The following TPRN variants were observed in gnomAD, a reference collection of about 807,000 sequenced individuals.
TPRN encodes taperin.
TPRN carries 32 observed loss-of-function variants against 42.6 expected under a neutral mutation model. That is an observed-to-expected ratio of 0.75 (90% confidence interval 0.57 to 1.01). The LOEUF (loss-of-function observed/expected upper bound fraction) is 1.01, where lower values mean the gene tolerates loss of function less well. TPRN is among the 50% of genes least tolerant of loss of function. TPRN has a pLI of 0.00. For missense variants in TPRN, 1,095 were observed against 957.5 expected, an observed-to-expected ratio of 1.14 and a Z score of -1.90; for synonymous variants, 541 against 445.6, an observed-to-expected ratio of 1.21 and a Z score of -2.70.
Position 137,200,097 on chromosome 9 carries a change from G to A in TPRN, c.615C>T (p.Phe205=), listed in dbSNP as rs1458461771. ...DFLQKTGSNS[F]TVHPRGLHRG... ...GGTGCAGACCCCGGGGGTGGACGGT[G>A]AAGGAGTTGCTGCCGGTCTTCTGGA... The change falls in exon 1 of 4, where the codon TTC becomes TTT. Residue 205 remains phenylalanine, a synonymous_variant. Transcript: ENST00000409012. The surrounding 1 kb of genome is among the most constrained non-coding windows in gnomAD (Gnocchi z 4.3). 12 of 1,329,772 alleles carry A rather than the reference G, an allele frequency of 9.0e-6. No homozygotes were observed. The highest frequency in any genetic ancestry group is 1.1e-5 in the Non-Finnish European group (12 of 1,044,644). The allele number at this position is 1,329,772 out of a possible 1,614,324, so 82.4% of individuals were successfully genotyped here. A position where few individuals can be genotyped will look rare whatever the true frequency, so the allele number is the denominator to read the frequency against.
At chr9:137,198,490 C>T (rs1834739641) in intron 1 of TPRN, among the ~76,000 whole-genome samples, 1 of 152,224 alleles carries the variant, frequency 6.6e-6, no homozygotes, top group Non-Finnish European at 1.5e-5. Context: ...GTGGGCTGCA[C>T]CCCAAGGCTG....
chr9:137,193,960 T>C, intron 1 of TPRN: 1 of 152,428 alleles, frequency 6.6e-6, no homozygotes, highest in Non-Finnish European at 1.5e-5. Flanking sequence ...AGGTGTACCC[T>C]CAGGTCCCTT....
In TPRN at chr9:137,192,064, C is replaced by T; in HGVS notation, c.*48G>A. 6.2e-7 allele frequency: 1 copy of T among 1,604,478 alleles called. No homozygotes were observed. The highest frequency in any genetic ancestry group is 8.5e-7 in the Non-Finnish European group (1 of 1,178,146). ...GTAGTCCCTGGCTACTGCCCAGCTT[C>T]CGGGACTCCCACAGCTGGGCTCAGC... On this transcript the variant is annotated 3_prime_UTR_variant, in exon 4 of 4. Coordinates refer to ENST00000409012, the MANE Select transcript of TPRN (RefSeq NM_001128228.3).
chr9:137,197,912 C>T (rs1337588328), intron 1 of TPRN, among the ~76,000 whole-genome samples: 2 of 152,210 alleles, frequency 1.3e-5, no homozygotes, highest in African/African-American at 4.8e-5. Flanking sequence ...GGGGCACCAA[C>T]GCCCTGGTTC....
chr9:137,194,782 T>C (rs1834682209), intron 1 of TPRN: 2 of 152,004 alleles, frequency 1.3e-5, no homozygotes, highest in Non-Finnish European at 2.9e-5. Flanking sequence ...CCCCTCCCAC[T>C]GTGGGGACAG....
Position 137,198,858 on chromosome 9 carries a change from C to T in TPRN, c.1725+129G>A, listed in dbSNP as rs1410098658. 18 of 1,567,342 alleles carry T rather than the reference C, an allele frequency of 1.1e-5. 1 individual carries two copies. Among genetic ancestry groups the T allele is most frequent in the South Asian group, 2.3e-5 (2 of 87,748 alleles). ...CACGGCCCACCCAGCCCCAGCTCGC[C>T]TCAAGTCCATGTAGAAACCATCCTT... On this transcript the variant is annotated intron_variant, in intron 1 of 3. Transcript: ENST00000409012.
At position 137,199,805 on chromosome 9, in the gene TPRN, G is replaced by C; in HGVS notation, c.907C>G (p.Pro303Ala). Reference sequence around the variant, plus strand: ...GGGATGGTCTCCATAACTGGCTTGGGGGCCGGCCGTATCTCGAAGGAGTCG... The same window carrying C: ...GGGATGGTCTCCATAACTGGCTTGGCGGCCGGCCGTATCTCGAAGGAGTCG... ...TNDSFEIRPA[P>A]KPVMETIPLG... The change falls in exon 1 of 4, where the codon CCC becomes GCC. Residue 303 changes from proline (P) to alanine (A), a missense_variant. By Grantham distance (27) the Pro-to-Ala change is conservative (BLOSUM62 -1). Transcript: ENST00000409012. 1 of 1,598,808 alleles carries C rather than the reference G, an allele frequency of 6.3e-7. No homozygotes were observed. The highest frequency in any genetic ancestry group is 8.5e-7 in the Non-Finnish European group (1 of 1,173,370).
At position 137,200,327 on chromosome 9, in the gene TPRN, G is replaced by A; in HGVS notation, c.385C>T (p.Pro129Ser). The A allele has an allele frequency of 9.9e-7, 1 of 1,011,558 alleles. No individual in the cohort carries two copies. Among genetic ancestry groups the A allele is most frequent in the Non-Finnish European group, 1.2e-6 (1 of 850,474 alleles). 62.7% of individuals were successfully genotyped at this position (1,011,558 alleles called of 1,614,324 possible). A position where few individuals can be genotyped will look rare whatever the true frequency, so the allele number is the denominator to read the frequency against. ...AGTAGGCGGCTGACGCGGCCGGGCG[G>A]CGCCCCGTACACCAGCACCTCGGCG... Reference protein sequence around the residue: ...RAAEVLVYGAPPGRVSRLLER... With the variant: ...RAAEVLVYGASPGRVSRLLER... The change falls in exon 1 of 4, where the codon CCG becomes TCG. Residue 129 changes from proline to serine, a missense_variant. By Grantham distance (74) the Pro-to-Ser change is moderately conservative. Transcript: ENST00000409012. This position sits in a 1 kb window ranked among gnomAD's most constrained non-coding sequence, Gnocchi z 4.3.
chr9:137,198,951 T>C (rs750001989), intron 1 of TPRN, 36 bp downstream of exon 1: 21 of 1,611,466 alleles, frequency 1.3e-5, no homozygotes, highest in Middle Eastern at 1.7e-4. Context: ...TGTCACTCTC[T>C]CCCTGCCAGC....
chr9:137,200,066 C>T lies in TPRN; in HGVS notation c.646G>A (p.Ala216Thr). Residue 216 changes from alanine (A) to threonine (T), a missense_variant, in exon 1 of 4, where the codon GCG becomes ACG. Transcript: ENST00000409012. The surrounding 1 kb of genome is among the most constrained non-coding windows in gnomAD (Gnocchi z 4.3). The part of the protein sequence containing the change: ...TVHPRGLHRG[A>T]GARLLSNGHS... Reference sequence around the variant, plus strand: ...CCGTTGGAGAGCAGGCGGGCGCCCGCGCCGCGGTGCAGACCCCGGGGGTGG... The same window carrying T: ...CCGTTGGAGAGCAGGCGGGCGCCCGTGCCGCGGTGCAGACCCCGGGGGTGG... 1 of 1,430,246 alleles carries T rather than the reference C, an allele frequency of 7.0e-7. No homozygotes were observed. The highest frequency in any genetic ancestry group is 9.1e-7 in the Non-Finnish European group (1 of 1,098,814). The allele number at this position is 1,430,246 out of a possible 1,614,324, so 88.6% of individuals were successfully genotyped here. A position where few individuals can be genotyped will look rare whatever the true frequency, so the allele number is the denominator to read the frequency against.
In TPRN at chr9:137,199,467, C is replaced by T; in HGVS notation, c.1245G>A (p.Arg415=). ...ALADRAIRWQ[R]PSSPPPFLPA... ...GCAGGAAGGGGGGCGGTGAGGACGG[C>T]CTCTGCCACCTAATAGCCCGGTCAG... is the stretch of plus-strand genomic sequence containing the variant. The change falls in exon 1 of 4, where the codon AGG becomes AGA. Residue 415 remains arginine (R), a synonymous_variant. Coordinates refer to ENST00000409012, the MANE Select transcript of TPRN (RefSeq NM_001128228.3). 1 of 1,599,920 alleles carries T rather than the reference C, an allele frequency of 6.3e-7. No homozygotes were observed. Among genetic ancestry groups the T allele is most frequent in the Non-Finnish European group, 8.5e-7 (1 of 1,173,986 alleles).
chr9:137,192,212 G>T, intron 3 of TPRN, 38 bp from the exon 4 acceptor site: 1 of 1,613,256 alleles, frequency 6.2e-7, no homozygotes, highest in Non-Finnish European at 8.5e-7. Context: ...ACATGGGCTC[G>T]CCCGGGTGTC....
intron 1 of TPRN, chr9:137,194,935 G>A (rs1029283192): frequency 2.6e-5 from 4 of 152,436 alleles, no homozygotes; most frequent in African/African-American, 9.7e-5. Context: ...GAGCAGGCAG[G>A]TGGGTCCCAG....
At position 137,199,248 on chromosome 9, in the gene TPRN, C is replaced by A; in HGVS notation, c.1464G>T (p.Gly488=). Residue 488 remains glycine (G), a synonymous_variant, in exon 1 of 4, where the codon GGG becomes GGT. Transcript: ENST00000409012. ...PARPLHPARP[G]CVAELQPRGS... is the part of the protein sequence containing the mutation. ...CCCGGGGCTGAAGCTCTGCCACGCACCCGGGCCTGGCAGGGTGCAGAGGCC... is the reference window on the plus strand; with the variant it reads ...CCCGGGGCTGAAGCTCTGCCACGCAACCGGGCCTGGCAGGGTGCAGAGGCC... 6.2e-7 allele frequency: 1 copy of A among 1,612,904 alleles called. No homozygotes were observed. Among genetic ancestry groups the A allele is most frequent in the Non-Finnish European group, 8.5e-7 (1 of 1,180,006 alleles).
chr9:137,197,906 C>G (rs1376200415), intron 1 of TPRN, among the ~76,000 whole-genome samples: 1 of 152,190 alleles, frequency 6.6e-6, no homozygotes, highest in Non-Finnish European at 1.5e-5. Flanking sequence ...CCGGCAGGGG[C>G]ACCAACGCCC....
At position 137,193,121 on chromosome 9, in the gene TPRN, G is replaced by A. The variant is rs969017543; in HGVS notation, c.1726-430C>T. On this transcript the variant is annotated intron_variant, in intron 1 of 3. Coordinates refer to ENST00000409012, the MANE Select transcript of TPRN (RefSeq NM_001128228.3). ...GGTGGAAAAGAGGCTGTCCCCTCAG[G>A]GGCCTTGCACTCTAGGCTCCAGGCA... 19 of 218,368 alleles carry A rather than the reference G, an allele frequency of 8.7e-5. No individual in the cohort carries two copies. In the East Asian group the frequency reaches 1.6e-3, roughly 18 times the overall value. 13.5% of individuals were successfully genotyped at this position (218,368 alleles called of 1,614,324 possible).
chr9:137,199,879 C>G lies in TPRN; in HGVS notation c.833G>C (p.Ser278Thr), dbSNP rs1255812614. ...PSATPASPPA[S>T]ATPSQRQCVS... ...GCACTGGCGCTGGCTAGGAGTGGCA[C>G]TGGCAGGGGGTGAGGCTGGAGTGGC... is the stretch of plus-strand genomic sequence containing the variant. The change falls in exon 1 of 4, where the codon AGT becomes ACT. Residue 278 changes from serine (S) to threonine (T), a missense_variant. Transcript: ENST00000409012. 7.7e-7 allele frequency: 1 copy of G among 1,290,800 alleles called. No individual in the cohort carries two copies. The highest frequency in any genetic ancestry group is 5.9e-5 in the East Asian group (1 of 17,008). The allele number at this position is 1,290,800 out of a possible 1,614,324, so 80.0% of individuals were successfully genotyped here. A position where few individuals can be genotyped will look rare whatever the true frequency, so the allele number is the denominator to read the frequency against.
At chr9:137,196,270 C>T (rs955700681) in intron 1 of TPRN, among the ~76,000 whole-genome samples, 3 of 152,184 alleles carry the variant, frequency 2.0e-5, no homozygotes, top group Non-Finnish European at 2.9e-5. Flanking sequence ...CCCCCACGCC[C>T]GGGGGTCACA....
rs2131355301 is a variant in TPRN, at chr9:137,200,391, C to A, written c.321G>T (p.Pro107=). 2 of 1,094,826 alleles carry A rather than the reference C, an allele frequency of 1.8e-6. No individual in the cohort carries two copies. Among genetic ancestry groups the A allele is most frequent in the Admixed American group, 5.0e-5 (1 of 19,992 alleles). The allele number at this position is 1,094,826 out of a possible 1,614,324, so 67.8% of individuals were successfully genotyped here. The change falls in exon 1 of 4, where the codon CCG becomes CCT. Residue 107 remains proline (P), a synonymous_variant. Transcript: ENST00000409012. This position sits in a 1 kb window ranked among gnomAD's most constrained non-coding sequence, Gnocchi z 4.3. ...VLIIETVPGF[P]PAPPAPGAAQ... Reference sequence around the variant, plus strand: ...CGGCCCCCGGGGCGGGCGGCGCGGGCGGGAAGCCGGGCACCGTCTCGATGA... The same window carrying A: ...CGGCCCCCGGGGCGGGCGGCGCGGGAGGGAAGCCGGGCACCGTCTCGATGA...
Sources: allele counts gnomAD v4.1 joint callset (sites outside exome capture counted in the v4.1 genomes callset), GRCh38; gene constraint gnomAD v4.1.1; non-coding constraint Gnocchi (gnomAD v3.1); transcripts MANE v1.5; gene names NCBI Gene and HGNC (gene_info 2026-07-23, HGNC 2026-07-21).